The following PLCL1 variants were observed in gnomAD, a reference collection of about 807,000 sequenced individuals.
PLCL1 encodes the protein inactive phospholipase C-like protein 1.
PLCL1 carries 41 observed loss-of-function variants against 84.4 expected under a neutral mutation model. That is an observed-to-expected ratio of 0.49 (90% CI 0.38 to 0.63). PLCL1 has a LOEUF of 0.63. PLCL1 is among the 30% of genes least tolerant of loss of function. The probability of loss-of-function intolerance (pLI) is 0.00; values close to 1 mark genes in which losing one functional copy is unlikely to be tolerated. For missense variants in PLCL1, 1,206 were observed against 1,367.8 expected (o/e 0.88, Z 1.87); for synonymous variants, 490 against 488.3 (o/e 1.00, Z -0.05).
At chr2:197,876,232 CGTGATAAGTGAAATAATAGA>C (rs1687729838) in intron 1 of PLCL1, among the ~76,000 whole-genome samples, 1 of 152,026 alleles carries the variant, frequency 6.6e-6, no homozygotes, top group African/African-American at 2.4e-5. Flanking sequence ...ATAACACAAA[CGTGATAAGTGAAATAATAGA>C]GAATCCCACA....
intron 1 of PLCL1, among the ~76,000 whole-genome samples, chr2:197,968,116 A>T (rs549499877): frequency 5.3e-5 from 8 of 152,216 alleles, no homozygotes; most frequent in Non-Finnish European, 1.0e-4. Flanking sequence ...CTAAGTGGAT[A>T]CTGCTTTTGT....
intron 1 of PLCL1, among the ~76,000 whole-genome samples, chr2:197,984,304 TTTACAA>T (rs1350123176): frequency 9.9e-5 from 15 of 152,216 alleles, no homozygotes; most frequent in Admixed American, 9.2e-4. Flanking sequence ...CTCATGGTAA[TTTACAA>T]TTACTAGAGA....
intron 3 of PLCL1, among the ~76,000 whole-genome samples, chr2:198,099,541 A>G (rs1693281447): frequency 6.7e-6 from 1 of 148,844 alleles, no homozygotes; most frequent in Non-Finnish European, 1.5e-5. Flanking sequence ...TTATGAAACA[A>G]TTTCATATGA....
At chr2:197,876,709 C>T (rs936178972) in intron 1 of PLCL1, among the ~76,000 whole-genome samples, 1 of 152,018 alleles carries the variant, frequency 6.6e-6, no homozygotes, top group Non-Finnish European at 1.5e-5. Flanking sequence ...CCTTCTTTGT[C>T]AGTGAATCTA....
rs546031704 is a variant in PLCL1 at position 198,006,238 on chromosome 2, G to A, written c.241-77520G>A. On this transcript the variant is annotated intron_variant, in intron 1 of 5. Transcript: ENST00000428675. ...AGAAGTAAGTTATCATTATTGTTGAGTGATAATGGCATTAATTTTCTGAAG... is the reference window on the plus strand; with the variant it reads ...AGAAGTAAGTTATCATTATTGTTGAATGATAATGGCATTAATTTTCTGAAG... Among the ~76,000 whole-genome samples, 155 of 152,268 alleles carry A rather than the reference G, an allele frequency of 1.0e-3. 1 individual carries two copies. The highest frequency in any genetic ancestry group is 3.7e-3 in the African/African-American group (152 of 41,554).
At chr2:198,040,745 T>A (rs1171197255) in intron 1 of PLCL1, among the ~76,000 whole-genome samples, 5 of 152,178 alleles carry the variant, frequency 3.3e-5, no homozygotes, top group African/African-American at 1.2e-4. Flanking sequence ...GAAAACATGG[T>A]CCCATACATT....
chr2:198,069,161 GT>G (rs536388625), intron 1 of PLCL1, among the ~76,000 whole-genome samples: 6,715 of 144,114 alleles, frequency 0.047, 438 homozygotes, highest in African/African-American at 0.15. Flanking sequence ...CCACCTGGCA[GT>G]TTTTTTTTTT....
At chr2:197,970,272 G>C (rs1359870274) in intron 1 of PLCL1, among the ~76,000 whole-genome samples, 1 of 152,142 alleles carries the variant, frequency 6.6e-6, no homozygotes, top group African/African-American at 2.4e-5. Flanking sequence ...ATGGGGGCCA[G>C]GCTCACTTAA....
intron 5 of PLCL1, among the ~76,000 whole-genome samples, chr2:198,134,737 C>T (rs1049304411): frequency 6.6e-6 from 1 of 152,118 alleles, no homozygotes; most frequent in Non-Finnish European, 1.5e-5. Context: ...ATGCCATGCA[C>T]GTAGAAGGCA....
At chr2:198,117,554 A>G (rs1693773805) in intron 5 of PLCL1, among the ~76,000 whole-genome samples, 1 of 151,754 alleles carries the variant, frequency 6.6e-6, no homozygotes, top group African/African-American at 2.4e-5. Context: ...TTTGCTGGTG[A>G]AATCATGGAT....
chr2:198,062,937 C>T (rs1692237690), intron 1 of PLCL1, among the ~76,000 whole-genome samples: 1 of 152,082 alleles, frequency 6.6e-6, no homozygotes, highest in South Asian at 2.1e-4. Flanking sequence ...TTCTGAACCC[C>T]ACCCCCAGAT....
At chr2:197,890,701 T>TATATATATATATACACACAC (rs11270566) in intron 1 of PLCL1, among the ~76,000 whole-genome samples, 45 of 118,562 alleles carry the variant, frequency 3.8e-4, no homozygotes, top group African/African-American at 1.6e-3. Flanking sequence ...TATATATATA[T>TATATATATATATACACACAC]ACACACACAC....
At chr2:198,103,742 A>T in intron 4 of PLCL1, 85 bp from the exon 5 acceptor site, 6 of 635,780 alleles carry the variant, frequency 9.4e-6, no homozygotes, top group Non-Finnish European at 1.6e-5. Flanking sequence ...ATGTGAAATT[A>T]TATTTTACTG....
intron 1 of PLCL1, among the ~76,000 whole-genome samples, chr2:198,082,400 C>A (rs1209657714): frequency 2.0e-5 from 3 of 151,808 alleles, no homozygotes; most frequent in Non-Finnish European, 4.4e-5. Context: ...ACTGAAATCA[C>A]GCCACTGCAC....
At chr2:197,873,916 C>G (rs2105707549) in intron 1 of PLCL1, among the ~76,000 whole-genome samples, 1 of 152,266 alleles carries the variant, frequency 6.6e-6, no homozygotes, top group East Asian at 1.9e-4. Flanking sequence ...TAGTTCATTT[C>G]ATCTCCACAC....
chr2:197,918,915 T>C (rs1490467476), intron 1 of PLCL1, among the ~76,000 whole-genome samples: 2 of 149,194 alleles, frequency 1.3e-5, no homozygotes, highest in African/African-American at 4.9e-5. Context: ...CACTCCAGCC[T>C]GGGCAACAGA....
chr2:198,109,735 G>T (rs1316284892), intron 5 of PLCL1, among the ~76,000 whole-genome samples: 4 of 151,806 alleles, frequency 2.6e-5, no homozygotes, highest in African/African-American at 9.7e-5. Flanking sequence ...CATTGTAAAG[G>T]TGATCACATC....
intron 1 of PLCL1, among the ~76,000 whole-genome samples, chr2:197,876,815 T>C (rs185394483): frequency 3.8e-4 from 58 of 152,266 alleles, no homozygotes; most frequent in African/African-American, 1.4e-3. Flanking sequence ...CATTTACAAA[T>C]AAATTCAACT....
chr2:197,978,113 T>G (rs1690024952), intron 1 of PLCL1, among the ~76,000 whole-genome samples: 1 of 152,258 alleles, frequency 6.6e-6, no homozygotes, highest in Non-Finnish European at 1.5e-5. Flanking sequence ...AAATCCGCAC[T>G]TTGTTCATAT....
Sources: gnomAD v4.1 joint callset for allele counts (sites outside exome capture counted in the v4.1 genomes callset) on GRCh38, gnomAD v4.1.1 for gene constraint, MANE v1.5 for transcripts, NCBI Gene and HGNC (gene_info 2026-07-23, HGNC 2026-07-21) for gene names.